PDE4B: variants seen among roughly 807,000 people sequenced by gnomAD.
PDE4B encodes the protein phosphodiesterase 4B, also known as 3',5'-cyclic-AMP phosphodiesterase 4B.
In PDE4B, 20 loss-of-function variants were observed where a neutral mutation model predicts 82.2. The observed-to-expected ratio is 0.24, with a 90% CI of 0.17 to 0.35. The LOEUF is 0.35. Ranked by LOEUF, PDE4B falls within the 10% of genes least tolerant of loss-of-function variation. The pLI is 1.00. For missense variants in PDE4B, 655 were observed against 907.2 expected (o/e 0.72, Z 3.57); for synonymous variants, 320 against 318.9 (o/e 1.00, Z -0.04).
chr1:65,850,665 GTA>G (rs1646321445), intron 1 of PDE4B, among the ~76,000 whole-genome samples: 2 of 152,182 alleles, frequency 1.3e-5, no homozygotes, highest in Admixed American at 1.3e-4. Flanking sequence ...GTATTTGTGT[GTA>G]TATGTGTGTT....
At chr1:66,183,851 C>T (rs1338719) in intron 3 of PDE4B, among the ~76,000 whole-genome samples, 75,487 of 151,980 alleles carry the variant, frequency 0.5, 19,495 homozygotes, top group South Asian at 0.63. Context: ...TACCTTAAAT[C>T]ACAAGGCAGA....
At chr1:65,793,698 G>T (rs1226730272) in intron 1 of PDE4B, among the ~76,000 whole-genome samples, 1 of 152,218 alleles carries the variant, frequency 6.6e-6, no homozygotes, top group Non-Finnish European at 1.5e-5. Context: ...GCGTGCCCTG[G>T]TGGCTGGGGC....
intron 3 of PDE4B, among the ~76,000 whole-genome samples, chr1:66,154,918 T>C (rs1263433612): frequency 1.3e-5 from 2 of 152,116 alleles, no homozygotes; most frequent in Non-Finnish European, 2.9e-5. Context: ...GCTGGCACAG[T>C]GTGTAATCTT....
chr1:66,331,889 A>C, intron 7 of PDE4B: 2 of 986,434 alleles, frequency 2.0e-6, no homozygotes, highest in Non-Finnish European at 2.4e-6. Context: ...AGGGAGAGAA[A>C]GGAATAGCCT....
At chr1:66,001,030 A>G (rs1166828626) in intron 3 of PDE4B, among the ~76,000 whole-genome samples, 1 of 152,164 alleles carries the variant, frequency 6.6e-6, no homozygotes, top group Non-Finnish European at 1.5e-5. Context: ...CTTGAAAACC[A>G]CCAGTTTAAG....
intron 1 of PDE4B, among the ~76,000 whole-genome samples, chr1:65,879,307 A>AT (rs973101444): frequency 6.6e-6 from 1 of 151,826 alleles, no homozygotes; most frequent in Non-Finnish European, 1.5e-5. Flanking sequence ...GGTATGTGCT[A>AT]TTTTTTTTCT....
intron 3 of PDE4B, among the ~76,000 whole-genome samples, chr1:66,084,976 G>T (rs2100972809): frequency 1.3e-5 from 2 of 152,264 alleles, no homozygotes; most frequent in South Asian, 4.2e-4. Flanking sequence ...TGTGGGATTA[G>T]CTTGATGGAC....
At chr1:65,856,210 T>A (rs1646390753) in intron 1 of PDE4B, among the ~76,000 whole-genome samples, 1 of 152,116 alleles carries the variant, frequency 6.6e-6, no homozygotes, top group Admixed American at 6.6e-5. Flanking sequence ...ATTATTTTAC[T>A]TTAAGTTCTG....
intron 1 of PDE4B, among the ~76,000 whole-genome samples, chr1:65,887,376 CCTT>C (rs1557799378): frequency 2.7e-4 from 1 of 3,726 alleles, no homozygotes; most frequent in African/African-American, 1.9e-3. Flanking sequence ...TCCCTCCCTT[CCTT>C]CCTTCCTTCT....
chr1:66,310,071 G>A (rs1388791137), intron 7 of PDE4B, among the ~76,000 whole-genome samples: 1 of 152,130 alleles, frequency 6.6e-6, no homozygotes, highest in Non-Finnish European at 1.5e-5. Flanking sequence ...GGTGTCAAGG[G>A]AGCCTCATGT....
At chr1:65,911,285 A>C (rs1647087505) in intron 1 of PDE4B, among the ~76,000 whole-genome samples, 1 of 152,036 alleles carries the variant, frequency 6.6e-6, no homozygotes, top group African/African-American at 2.4e-5. Flanking sequence ...TATATTTTTG[A>C]ACATCATATT....
In PDE4B at chr1:66,214,886, C is replaced by G. The variant is rs12071052; in HGVS notation, c.282-32574C>G. 9.3e-3 allele frequency among the ~76,000 whole-genome samples: 1,414 copies of G among 152,258 alleles called. 17 individuals carry two copies. The highest frequency in any genetic ancestry group is 0.032 in the African/African-American group (1,348 of 41,548). On this transcript the variant is annotated intron_variant, in intron 3 of 16. Transcript: ENST00000341517. ...TAAATAAAACTGAAAGTGATCCCCT[C>G]TCATATCATGACCTTGTTGGAAGAA... is the stretch of plus-strand genomic sequence containing the variant.
chr1:66,029,735 T>C (rs1207216509), intron 3 of PDE4B, among the ~76,000 whole-genome samples: 1 of 152,206 alleles, frequency 6.6e-6, no homozygotes, highest in Non-Finnish European at 1.5e-5. Flanking sequence ...TACAGCATAA[T>C]GAATTCATCT....
chr1:65,997,142 CCCTGACCCACCCCCGCCCCCCA>C (rs1651589749), intron 3 of PDE4B, among the ~76,000 whole-genome samples: 1 of 146,024 alleles, frequency 6.8e-6, no homozygotes, highest in African/African-American at 2.5e-5. Context: ...CACTGCACCC[CCCTGACCCACCCCCGCCCCCCA>C]CCCTGCTGCA....
intron 3 of PDE4B, among the ~76,000 whole-genome samples, chr1:66,212,048 C>T (rs1397194464): frequency 6.6e-6 from 1 of 152,204 alleles, no homozygotes; most frequent in East Asian, 1.9e-4. Flanking sequence ...TCTCTGCCCT[C>T]TTTGTGCAGC....
intron 3 of PDE4B, among the ~76,000 whole-genome samples, chr1:66,073,432 G>A (rs1175190976): frequency 3.9e-5 from 6 of 152,066 alleles, no homozygotes; most frequent in Non-Finnish European, 8.8e-5. Context: ...TCAATAATAT[G>A]TCAAGTGCTT....
chr1:66,331,035 G>T (rs889114102), intron 7 of PDE4B, among the ~76,000 whole-genome samples: 1 of 152,156 alleles, frequency 6.6e-6, no homozygotes, highest in African/African-American at 2.4e-5. Flanking sequence ...GATAAACAAA[G>T]CAACTATTCT....
intron 3 of PDE4B, among the ~76,000 whole-genome samples, chr1:66,169,639 C>G (rs902727562): frequency 6.6e-6 from 1 of 152,102 alleles, no homozygotes; most frequent in Non-Finnish European, 1.5e-5. Context: ...CAATGCAAAC[C>G]AGAGAAGGGG....
intron 3 of PDE4B, among the ~76,000 whole-genome samples, chr1:66,172,130 TTTA>T (rs1646849129): frequency 6.6e-6 from 1 of 152,110 alleles, no homozygotes. Flanking sequence ...GTCTACGGTG[TTTA>T]TTATTCCTGT....
Sources: allele counts gnomAD v4.1 joint callset (sites outside exome capture counted in the v4.1 genomes callset), GRCh38; gene constraint gnomAD v4.1.1; transcripts MANE v1.5; gene names NCBI Gene and HGNC (gene_info 2026-07-23, HGNC 2026-07-21).